BPNT2: variants seen among roughly 807,000 people sequenced by gnomAD.
BPNT2 encodes the protein Golgi-resident adenosine 3',5'-bisphosphate 3'-phosphatase.
A neutral mutation model predicts 29.3 loss-of-function variants in BPNT2; 11 were observed. The ratio of observed to expected loss-of-function variants is 0.38; its 90% CI spans 0.24 to 0.62. BPNT2 has a LOEUF of 0.62. Among genes scored for constraint, BPNT2 ranks in the 20% least tolerant of loss-of-function variants. The pLI, the probability that BPNT2 is intolerant of heterozygous loss-of-function variation, is 0.62. For synonymous variants in BPNT2, 195 were observed against 187.7 expected (o/e 1.04, Z -0.32); for missense variants, 459 against 473.4 (o/e 0.97, Z 0.28).
Position 56,958,982 on chromosome 8 carries a change from T to C in BPNT2, c.*4811A>G, listed in dbSNP as rs982108406. The C allele has an allele frequency of 4.6e-5, 7 of 152,260 alleles. No homozygotes were observed. Among genetic ancestry groups the C allele is most frequent in the African/African-American group, 1.4e-4 (6 of 41,470 alleles). 9.4% of individuals were successfully genotyped at this position (152,260 alleles called of 1,614,324 possible). On this transcript the variant is annotated 3_prime_UTR_variant, in exon 5 of 5. Coordinates refer to ENST00000262644, the MANE Select transcript of BPNT2 (RefSeq NM_017813.5). ...TGATGACTCACTATGCCTTATTTCC[T>C]ATTTTTAAAAACACAGAATGAGCAA...
chr8:56,993,562 A>G lies in BPNT2; in HGVS notation c.24T>C (p.Leu8=). 6.8e-7 allele frequency: 1 copy of G among 1,477,430 alleles called. No individual in the cohort carries two copies. The highest frequency in any genetic ancestry group is 9.0e-7 in the Non-Finnish European group (1 of 1,113,186). The allele number at this position is 1,477,430 out of a possible 1,614,324, so 91.5% of individuals were successfully genotyped here. A position where few individuals can be genotyped will look rare whatever the true frequency, so the allele number is the denominator to read the frequency against. The part of the protein sequence containing the change: MAPMGIR[L]SPLGVAVFCL... ...AAAACACTGCCACCCCCAGTGGGGAAAGGCGGATGCCCATGGGGGCCATGG... is the reference window on the plus strand; with the variant it reads ...AAAACACTGCCACCCCCAGTGGGGAGAGGCGGATGCCCATGGGGGCCATGG... The change falls in exon 1 of 5, where the codon CTT becomes CTC. Residue 8 remains leucine (L), a synonymous_variant. Transcript: ENST00000262644.
chr8:56,983,796 T>A (rs1806284445), intron 1 of BPNT2, among the ~76,000 whole-genome samples: 2 of 152,082 alleles, frequency 1.3e-5, no homozygotes, highest in Non-Finnish European at 2.9e-5. Context: ...GACAAGGCAT[T>A]TCTGAAAATT....
chr8:56,989,921 C>A (rs1031163549), intron 1 of BPNT2, among the ~76,000 whole-genome samples: 2 of 152,132 alleles, frequency 1.3e-5, no homozygotes, highest in African/African-American at 2.4e-5. Flanking sequence ...GAACTAGATT[C>A]TTTTCCTCTG....
chr8:56,959,088 AAC>A lies in BPNT2; in HGVS notation c.*4703_*4704del, dbSNP rs1456705473. ...TAAGGGAACATATTACTAATCAAAT[AAC>A]ACAGTTTATGCTTTTTCAATTTCCA... On this transcript the variant is annotated 3_prime_UTR_variant, in exon 5 of 5. Coordinates refer to ENST00000262644, the MANE Select transcript of BPNT2 (RefSeq NM_017813.5). 1.3e-5 allele frequency: 2 copies of A among 152,218 alleles called. No individual in the cohort carries two copies. The highest frequency in any genetic ancestry group is 4.8e-5 in the African/African-American group (2 of 41,450). 9.4% of individuals were successfully genotyped at this position (152,218 alleles called of 1,614,324 possible). A position where few individuals can be genotyped will look rare whatever the true frequency, so the allele number is the denominator to read the frequency against.
rs1181667972 is a variant in BPNT2 at position 56,992,057 on chromosome 8, GA to G, written c.387+1141del. On this transcript the variant is annotated intron_variant, in intron 1 of 4. Coordinates refer to ENST00000262644, the MANE Select transcript of BPNT2 (RefSeq NM_017813.5). Reference sequence around the variant, plus strand: ...CTTTCCACTGGAAAAAGAAAAAGACGAAAGAAAAGGGAGGAAGAGAGGAGAA... The same window carrying G: ...CTTTCCACTGGAAAAAGAAAAAGACGAAGAAAAGGGAGGAAGAGAGGAGAA... Among the ~76,000 whole-genome samples, 8 of 151,976 alleles carry G rather than the reference GA, an allele frequency of 5.3e-5. No homozygotes were observed. The East Asian group carries it at 1.3e-3, about 26-fold the overall frequency.
At chr8:56,993,169 C>G in intron 1 of BPNT2, 30 bp downstream of exon 1, 2 of 1,580,648 alleles carry the variant, frequency 1.3e-6, no homozygotes, top group Middle Eastern at 1.7e-4. Context: ...CTACCCGGCT[C>G]GAGTGGGCGC....
intron 3 of BPNT2, among the ~76,000 whole-genome samples, chr8:56,971,491 G>A (rs1408273680): frequency 2.0e-5 from 3 of 151,742 alleles, no homozygotes; most frequent in South Asian, 2.1e-4. Context: ...GATTTGTGAC[G>A]ATTTGAAAAA....
Position 56,966,307 on chromosome 8 carries a change from G to T in BPNT2, c.692C>A (p.Ser231Tyr), listed in dbSNP as rs750786108. The change falls in exon 4 of 5, where the codon TCC becomes TAC. Residue 231 changes from serine (S) to tyrosine (Y), a missense_variant. By Grantham distance (144) the Ser-to-Tyr change is moderately radical. Coordinates refer to ENST00000262644, the MANE Select transcript of BPNT2 (RefSeq NM_017813.5). ...GATCCTTGGGGTCTTCTCATTGTAG[G>T]AAGAGCGGGCTTTCACATTTGAACC... is the stretch of plus-strand genomic sequence containing the variant. Reference protein sequence around the residue: ...DGGSNVKARSSYNEKTPRIVV... With the variant: ...DGGSNVKARSYYNEKTPRIVV... The T allele has an allele frequency of 2.5e-6, 4 of 1,614,052 alleles. No individual in the cohort carries two copies. The highest frequency in any genetic ancestry group is 3.4e-6 in the Non-Finnish European group (4 of 1,179,938).
chr8:56,987,807 C>T (rs1806350573), intron 1 of BPNT2, among the ~76,000 whole-genome samples: 1 of 150,734 alleles, frequency 6.6e-6, no homozygotes, highest in East Asian at 1.9e-4. Flanking sequence ...CGGCTCACTG[C>T]AAGCTCCACC....
intron 1 of BPNT2, among the ~76,000 whole-genome samples, chr8:56,990,362 T>G (rs1806398568): frequency 6.6e-6 from 1 of 152,232 alleles, no homozygotes; most frequent in African/African-American, 2.4e-5. Context: ...GCCTTCATTT[T>G]CATTGTTACC....
At chr8:56,988,359 G>A (rs1049235252) in intron 1 of BPNT2, among the ~76,000 whole-genome samples, 1 of 151,926 alleles carries the variant, frequency 6.6e-6, no homozygotes, top group African/African-American at 2.4e-5. Context: ...CAATTTATTG[G>A]GTATATGAAT....
intron 1 of BPNT2, among the ~76,000 whole-genome samples, chr8:56,989,254 C>G (rs1806373060): frequency 6.6e-6 from 1 of 151,962 alleles, no homozygotes; most frequent in East Asian, 1.9e-4. Flanking sequence ...CACCTGTAGT[C>G]CCAGCTACTT....
intron 1 of BPNT2, among the ~76,000 whole-genome samples, chr8:56,990,555 A>G (rs1311470076): frequency 1.3e-5 from 2 of 152,110 alleles, no homozygotes; most frequent in Non-Finnish European, 2.9e-5. Context: ...GTGAAATCTG[A>G]GTTTTGTTAG....
rs1805773112 is a variant in BPNT2 at position 56,958,353 on chromosome 8, G to A, written c.*5440C>T. 1 of 152,122 alleles carries A rather than the reference G, an allele frequency of 6.6e-6. No homozygotes were observed. Among genetic ancestry groups the A allele is most frequent in the African/African-American group, 2.4e-5 (1 of 41,418 alleles). 9.4% of individuals were successfully genotyped at this position (152,122 alleles called of 1,614,324 possible). On this transcript the variant is annotated 3_prime_UTR_variant, in exon 5 of 5. Transcript: ENST00000262644. The stretch of plus-strand genomic sequence containing the variant: ...AGCACATACAGAGATGGTGCTTGCA[G>A]GTAAAAACTGCTCTGAAACCATGGG...
At chr8:56,974,125 CTAGCT>C (rs1806085766) in intron 3 of BPNT2, among the ~76,000 whole-genome samples, 1 of 152,122 alleles carries the variant, frequency 6.6e-6, no homozygotes, top group South Asian at 2.1e-4. Flanking sequence ...TTTCTTTCCT[CTAGCT>C]TACTTTATTG....
chr8:56,963,458 C>G lies in BPNT2; in HGVS notation c.*335G>C, dbSNP rs770632307. On this transcript the variant is annotated 3_prime_UTR_variant, in exon 5 of 5. Coordinates refer to ENST00000262644, the MANE Select transcript of BPNT2 (RefSeq NM_017813.5). Reference sequence around the variant, plus strand: ...ACCGAATTCTATATGAAAGTACTAACAGTGAAGATTCATGATGTTGTGTGA... The same window carrying G: ...ACCGAATTCTATATGAAAGTACTAAGAGTGAAGATTCATGATGTTGTGTGA... 11 of 243,568 alleles carry G rather than the reference C, an allele frequency of 4.5e-5. No individual in the cohort carries two copies. The highest frequency in any genetic ancestry group is 3.1e-4 in the Admixed American group (6 of 19,480). 15.1% of individuals were successfully genotyped at this position (243,568 alleles called of 1,614,324 possible). A position where few individuals can be genotyped will look rare whatever the true frequency, so the allele number is the denominator to read the frequency against.
chr8:56,972,478 C>A (rs983722021), intron 3 of BPNT2, among the ~76,000 whole-genome samples: 1 of 151,982 alleles, frequency 6.6e-6, no homozygotes, highest in Admixed American at 6.5e-5. Flanking sequence ...TGAAGCTACA[C>A]ACCAACAGGT....
intron 1 of BPNT2, among the ~76,000 whole-genome samples, chr8:56,989,504 T>C (rs1470168895): frequency 6.6e-6 from 1 of 152,162 alleles, no homozygotes; most frequent in East Asian, 1.9e-4. Context: ...AAATTAATAA[T>C]GTCATTAAGA....
intron 1 of BPNT2, among the ~76,000 whole-genome samples, chr8:56,989,986 G>A (rs1806390879): frequency 1.3e-5 from 2 of 152,184 alleles, no homozygotes; most frequent in South Asian, 4.1e-4. Flanking sequence ...TACAGAAGAG[G>A]AAACTATGGC....
Sources: allele counts gnomAD v4.1 joint callset (sites outside exome capture counted in the v4.1 genomes callset), GRCh38; gene constraint gnomAD v4.1.1; transcripts MANE v1.5; gene names NCBI Gene and HGNC (gene_info 2026-07-23, HGNC 2026-07-21).